The following SYNM variants were observed in gnomAD, a reference collection of about 807,000 sequenced individuals.
SYNM encodes the protein desmuslin.
SYNM carries 95 observed loss-of-function variants against 104.0 expected under a neutral mutation model. The observed-to-expected ratio is 0.91, with a 90% CI of 0.77 to 1.08. SYNM has a LOEUF of 1.08. Among genes scored for constraint, SYNM ranks in the 50% least tolerant of loss-of-function variants. SYNM has a pLI of 0.00. For synonymous variants in SYNM, 918 were observed against 869.0 expected, an observed-to-expected ratio of 1.06 and a Z score of -0.99; for missense variants, 2,150 against 2,052.2, an observed-to-expected ratio of 1.05 and a Z score of -0.92.
At chr15:99,138,749 G>A (rs2067850945), downstream of SYNM, among the ~76,000 whole-genome samples, 1 of 152,234 alleles carries the variant, frequency 6.6e-6, no homozygotes, top group South Asian at 2.1e-4. Flanking sequence ...CGCCTTCCCT[G>A]CCCTCAAAGG....
At chr15:99,111,390 G>T (rs2151799667) in intron 1 of SYNM, among the ~76,000 whole-genome samples, 1 of 152,284 alleles carries the variant, frequency 6.6e-6, no homozygotes, top group South Asian at 2.1e-4. Context: ...TGAGAACCTT[G>T]TACCTGAATT....
chr15:99,133,034 G>A lies in SYNM; in HGVS notation c.4674G>A (p.Glu1558=), dbSNP rs1555486274. 1 of 1,613,772 alleles carries A rather than the reference G, an allele frequency of 6.2e-7. No homozygotes were observed. Among genetic ancestry groups the A allele is most frequent in the Admixed American group, 1.7e-5 (1 of 60,022 alleles). The change falls in exon 4 of 4, where the codon GAG becomes GAA. Residue 1558 remains glutamate (E), a synonymous_variant. Transcript: ENST00000336292. ...TCCTCTATCTAGACAATGAGGAGGAGGAGAATGATGGGCATTGGTTTTAAT... is the reference window on the plus strand; with the variant it reads ...TCCTCTATCTAGACAATGAGGAGGAAGAGAATGATGGGCATTGGTTTTAAT... The part of the protein sequence containing the change: ...VALLYLDNEE[E]ENDGHWF
chr15:99,109,402 GC>G (rs782732315), intron 1 of SYNM, among the ~76,000 whole-genome samples: 14 of 152,192 alleles, frequency 9.2e-5, no homozygotes, highest in Non-Finnish European at 1.9e-4. Context: ...ATGAAAGTGA[GC>G]CCTTAGCTGC....
At chr15:99,118,333 G>A (rs532124346) in intron 2 of SYNM, among the ~76,000 whole-genome samples, 44 of 152,222 alleles carry the variant, frequency 2.9e-4, no homozygotes, top group African/African-American at 9.4e-4. Flanking sequence ...GTTTGTGTTC[G>A]TGGACTTGCG....
chr15:99,131,934 C>T lies in SYNM; in HGVS notation c.3574C>T (p.Pro1192Ser). 6.2e-7 allele frequency: 1 copy of T among 1,613,772 alleles called. No homozygotes were observed. Among genetic ancestry groups the T allele is most frequent in the Non-Finnish European group, 8.5e-7 (1 of 1,179,842 alleles). The change falls in exon 4 of 4, where the codon CCT becomes TCT. Residue 1192 changes from proline to serine, a missense_variant. Pro to Ser is a moderately conservative substitution (Grantham distance 74). Transcript: ENST00000336292. The surrounding 1 kb of genome is among the most constrained non-coding windows in gnomAD (Gnocchi z 4.3). ...PLSREVIFLG[P>S]APACPEAWGS... ...GTCCAGAGAAGTCATCTTCCTAGGC[C>T]CTGCCCCTGCCTGTCCAGAGGCATG...
intron 1 of SYNM, among the ~76,000 whole-genome samples, chr15:99,108,706 G>A (rs2067272318): frequency 6.6e-6 from 1 of 152,164 alleles, no homozygotes; most frequent in Admixed American, 6.5e-5. Flanking sequence ...AGGAAGCTGA[G>A]GCACATAAGT....
intron 2 of SYNM, among the ~76,000 whole-genome samples, chr15:99,116,736 T>C (rs1703779): frequency 0.56 from 79,461 of 141,684 alleles, 27,113 homozygotes; most frequent in Middle Eastern, 0.68. Flanking sequence ...GGTGCGATCT[T>C]GGCTCACTGC....
In SYNM at chr15:99,105,299, C is replaced by T; in HGVS notation, c.100C>T (p.Arg34Cys). Residue 34 changes from arginine (R) to cysteine (C), a missense_variant, in exon 1 of 4, where the codon CGC becomes TGC. By Grantham distance (180) the Arg-to-Cys change is radical. Transcript: ENST00000336292. Reference protein sequence around the residue: ...DYVCRVRELERENLLLEEELR... With the variant: ...DYVCRVRELECENLLLEEELR... ...CGTGTGTCGGGTGCGGGAGCTGGAGCGCGAAAACCTACTCCTGGAGGAGGA... is the reference window on the plus strand; with the variant it reads ...CGTGTGTCGGGTGCGGGAGCTGGAGTGCGAAAACCTACTCCTGGAGGAGGA... 1.9e-6 allele frequency: 3 copies of T among 1,549,554 alleles called. No homozygotes were observed. The highest frequency in any genetic ancestry group is 1.2e-5 in the South Asian group (1 of 84,272).
rs782227705 is a variant in SYNM at position 99,105,863 on chromosome 15, C to T, written c.664C>T (p.Gln222Ter). The change falls in exon 1 of 4, where the codon CAG becomes TAG. Residue 222 changes from glutamine to a stop codon, truncating the protein, a stop_gained. Coordinates refer to ENST00000336292, the MANE Select transcript of SYNM (RefSeq NM_145728.3). LOFTEE classifies it high-confidence loss of function. ...ALRRGQESRL[Q>*]AEEETRLCAQ... ...GCGGCGCGGCCAGGAGAGCAGACTC[C>T]AGGCGGAGGAAGAGACGCGGCTGTG... 1.9e-6 allele frequency: 3 copies of T among 1,542,326 alleles called. No homozygotes were observed. Among genetic ancestry groups the T allele is most frequent in the Non-Finnish European group, 1.7e-6 (2 of 1,146,556 alleles).
chr15:99,107,502 T>A (rs1346298200), intron 1 of SYNM, among the ~76,000 whole-genome samples: 2 of 152,164 alleles, frequency 1.3e-5, no homozygotes, highest in Non-Finnish European at 2.9e-5. Context: ...GCAGGCAGGT[T>A]TAGAAAATGC....
intron 2 of SYNM, among the ~76,000 whole-genome samples, chr15:99,117,559 TG>T (rs1174857843): frequency 1.3e-5 from 2 of 152,236 alleles, no homozygotes; most frequent in African/African-American, 4.8e-5. Context: ...GCAGGGCAGT[TG>T]GATTTTTCTA....
Position 99,135,321 on chromosome 15 carries a change from C to T in SYNM, c.*2263C>T, listed in dbSNP as rs1248473838. The T allele has an allele frequency of 6.6e-6, 1 of 152,592 alleles. No homozygotes were observed. The highest frequency in any genetic ancestry group is 2.4e-5 in the African/African-American group (1 of 41,422). 9.5% of individuals were successfully genotyped at this position (152,592 alleles called of 1,614,324 possible). ...TGTGACATTGTGACAAGCTCCATGTCCTTTAAAATCAGTCACTCTGCACAC... is the reference window on the plus strand; with the variant it reads ...TGTGACATTGTGACAAGCTCCATGTTCTTTAAAATCAGTCACTCTGCACAC... On this transcript the variant is annotated 3_prime_UTR_variant, in exon 4 of 4. Coordinates refer to ENST00000336292, the MANE Select transcript of SYNM (RefSeq NM_145728.3).
Position 99,105,963 on chromosome 15 carries a change from T to C in SYNM, c.764T>C (p.Leu255Pro). The C allele has an allele frequency of 6.6e-7, 1 of 1,515,944 alleles. No homozygotes were observed. Among genetic ancestry groups the C allele is most frequent in the Non-Finnish European group, 8.8e-7 (1 of 1,138,592 alleles). The allele number at this position is 1,515,944 out of a possible 1,614,324, so 93.9% of individuals were successfully genotyped here. Residue 255 changes from leucine to proline, a missense_variant, in exon 1 of 4, where the codon CTG (leucine) becomes CCG (proline). Leu to Pro is a moderately conservative substitution (Grantham distance 98, BLOSUM62 -3). Transcript: ENST00000336292. Reference sequence around the variant, plus strand: ...CTGCGCGCGCGGCTGGAGGACGCGCTGCTGCGGATGCGCGAGGAGTACGGG... The same window carrying C: ...CTGCGCGCGCGGCTGGAGGACGCGCCGCTGCGGATGCGCGAGGAGTACGGG... ...EQLRARLEDA[L>P]LRMREEYGIQ... is the part of the protein sequence containing the mutation.
At chr15:99,141,393 G>A in the SYNM span, among the ~76,000 whole-genome samples, 4 of 152,108 alleles carry the variant, frequency 2.6e-5, no homozygotes, top group Admixed American at 2.0e-4. Flanking sequence ...AAAATAAGAA[G>A]AGCATGGGAA....
chr15:99,126,847 G>A, intron 3 of SYNM, 55 bp downstream of exon 3: 1 of 1,479,352 alleles, frequency 6.8e-7, no homozygotes, highest in African/African-American at 1.4e-5. Context: ...TGTTTATTCT[G>A]TGGCTAGATA....
chr15:99,134,607 A>G lies in SYNM; in HGVS notation c.*1549A>G, dbSNP rs2067547057. The G allele has an allele frequency of 1.3e-5, 2 of 152,196 alleles. No homozygotes were observed. The highest frequency in any genetic ancestry group is 1.5e-5 in the Non-Finnish European group (1 of 68,038). 9.4% of individuals were successfully genotyped at this position (152,196 alleles called of 1,614,324 possible). The stretch of plus-strand genomic sequence containing the variant: ...CTAGCACCACCCTCAGCCAGGCTAC[A>G]ACGACAGCACTGGAGGGTCTTCCCT... On this transcript the variant is annotated 3_prime_UTR_variant, in exon 4 of 4. Coordinates refer to ENST00000336292, the MANE Select transcript of SYNM (RefSeq NM_145728.3).
intron 2 of SYNM, among the ~76,000 whole-genome samples, chr15:99,123,546 G>T (rs924404155): frequency 1.3e-5 from 2 of 152,174 alleles, no homozygotes; most frequent in Admixed American, 6.5e-5. Context: ...CCAGCCACGG[G>T]CCCGCATCTG....
intron 2 of SYNM, among the ~76,000 whole-genome samples, chr15:99,121,017 G>A (rs1233595167): frequency 6.6e-6 from 1 of 152,142 alleles, no homozygotes; most frequent in Non-Finnish European, 1.5e-5. Context: ...GTGATGAGAA[G>A]AGATTTGCAA....
Position 99,130,345 on chromosome 15 carries a change from C to A in SYNM, c.1985C>A (p.Ser662Tyr). 5 of 1,613,760 alleles carry A rather than the reference C, an allele frequency of 3.1e-6. No individual in the cohort carries two copies. The highest frequency in any genetic ancestry group is 4.2e-6 in the Non-Finnish European group (5 of 1,179,788). ...CCAGAGACAGAAGCATCTGCTGATT[C>A]TTTTCCAGACACAAAAGTCACTTAC... ...QSPETEASAD[S>Y]FPDTKVTYVD... The change falls in exon 4 of 4, where the codon TCT (serine) becomes TAT (tyrosine). Residue 662 changes from serine to tyrosine, a missense_variant. Ser to Tyr is a moderately radical substitution (Grantham distance 144). Transcript: ENST00000336292.
Sources: gnomAD v4.1 joint callset for allele counts (sites outside exome capture counted in the v4.1 genomes callset) on GRCh38, gnomAD v4.1.1 for gene constraint, Gnocchi (gnomAD v3.1) non-coding constraint, MANE v1.5 for transcripts, NCBI Gene and HGNC (gene_info 2026-07-23, HGNC 2026-07-21) for gene names.